PLEKHA8: variants seen among roughly 807,000 people sequenced by gnomAD.
PLEKHA8 encodes the protein pleckstrin homology domain-containing family A member 8.
In PLEKHA8, 36 loss-of-function variants were observed where a neutral mutation model predicts 68.2. The observed-to-expected ratio is 0.53, with a 90% CI of 0.40 to 0.70. The LOEUF is 0.70. PLEKHA8 is among the 30% of genes least tolerant of loss of function. The pLI is 0.00. For missense variants in PLEKHA8, 505 were observed against 615.4 expected (o/e 0.82, Z 1.90); for synonymous variants, 211 against 216.1 (o/e 0.98, Z 0.20).
chr7:30,098,705 A>T (rs555135967), intron 13 of PLEKHA8, among the ~76,000 whole-genome samples: 1 of 152,188 alleles, frequency 6.6e-6, no homozygotes. Context: ...GGTGGGAGTG[A>T]CCCGATTTTC....
At chr7:30,090,827 G>C (rs1214379489), downstream of PLEKHA8, 1 of 198,722 alleles carries the variant, frequency 5.0e-6, no homozygotes, top group Admixed American at 6.5e-5. Context: ...AAATAAATAT[G>C]ATAAGAAATA....
Position 30,116,244 on chromosome 7 carries a change from A to G in PLEKHA8, c.1363-13022A>G, listed in dbSNP as rs545679195. Reference sequence around the variant, plus strand: ...TATATACGTATACATGTATGCGTATACATGTACACGTATACATGCATACAT... The same window carrying G: ...TATATACGTATACATGTATGCGTATGCATGTACACGTATACATGCATACAT... On this transcript the variant is annotated intron_variant, in intron 13 of 13. Transcript: ENST00000396257. 4.7e-4 allele frequency among the ~76,000 whole-genome samples: 67 copies of G among 141,422 alleles called. 1 individual carries two copies. The highest frequency in any genetic ancestry group is 1.7e-3 in the African/African-American group (57 of 32,970). 92.8% of individuals were successfully genotyped at this position (141,422 alleles called of 152,430 possible). A position where few individuals can be genotyped will look rare whatever the true frequency, so the allele number is the denominator to read the frequency against.
chr7:30,054,617 A>G, intron 7 of PLEKHA8, 92 bp from the exon 8 acceptor site: 1 of 868,342 alleles, frequency 1.2e-6, no homozygotes, highest in Non-Finnish European at 1.6e-6. Context: ...ATTTCTATGT[A>G]TTTTTCTGTG....
chr7:30,119,498 C>T (rs376725644), intron 13 of PLEKHA8, among the ~76,000 whole-genome samples: 2 of 152,128 alleles, frequency 1.3e-5, no homozygotes, highest in African/African-American at 4.8e-5. Flanking sequence ...AAGAAACTGC[C>T]GAGGACAGTA....
chr7:30,084,949 CTT>C (rs5883231), downstream of PLEKHA8, among the ~76,000 whole-genome samples: 3,162 of 141,542 alleles, frequency 0.022, 47 homozygotes, highest in East Asian at 0.041. Context: ...TTTTTCTTTT[CTT>C]TTTTTTTTTT....
At chr7:30,119,762 A>G (rs1796665098) in intron 13 of PLEKHA8, among the ~76,000 whole-genome samples, 1 of 152,244 alleles carries the variant, frequency 6.6e-6, no homozygotes. Context: ...TTGCTGCATC[A>G]GATTCGAGAG....
intron 9 of PLEKHA8, among the ~76,000 whole-genome samples, chr7:30,058,272 T>G (rs1465107592): frequency 6.6e-6 from 1 of 152,148 alleles, no homozygotes; most frequent in Non-Finnish European, 1.5e-5. Flanking sequence ...TAATGATGCC[T>G]TTTCAGAAGT....
chr7:30,115,843 C>G (rs1562558042), intron 13 of PLEKHA8: 1 of 149,326 alleles, frequency 6.7e-6, no homozygotes, highest in African/African-American at 2.5e-5. Context: ...TACATGTATA[C>G]ACGTATGCAT....
chr7:30,106,785 A>G (rs1464294995), intron 13 of PLEKHA8, among the ~76,000 whole-genome samples: 2 of 152,222 alleles, frequency 1.3e-5, no homozygotes, highest in African/African-American at 4.8e-5. Flanking sequence ...AATGCACGCA[A>G]ATGAAGTGAT....
intron 6 of PLEKHA8, 107 bp downstream of exon 6, chr7:30,050,581 T>C (rs1792328665): frequency 7.5e-7 from 1 of 1,337,656 alleles, no homozygotes; most frequent in Non-Finnish European, 9.9e-7. Flanking sequence ...TTCTCAGGAT[T>C]TGAAATAATA....
chr7:30,029,421 AAATAT>A (rs1454583974), intron 1 of PLEKHA8, among the ~76,000 whole-genome samples: 8 of 152,172 alleles, frequency 5.3e-5, no homozygotes, highest in Non-Finnish European at 1.2e-4. Flanking sequence ...AAATGAATGC[AAATAT>A]TTGCAACTTT....
chr7:30,079,779 G>T lies in PLEKHA8; in HGVS notation c.*992G>T, dbSNP rs1005061490. The T allele has an allele frequency of 1.3e-6, 1 of 790,324 alleles. No individual in the cohort carries two copies. Among genetic ancestry groups the T allele is most frequent in the Non-Finnish European group, 1.5e-6 (1 of 652,464 alleles). The allele number at this position is 790,324 out of a possible 1,614,324, so 49.0% of individuals were successfully genotyped here. A position where few individuals can be genotyped will look rare whatever the true frequency, so the allele number is the denominator to read the frequency against. ...ACCAGAGTCTAGGTGGTGGGACATA[G>T]GAATCTGCATTTCAGTAAACTTTAC... On this transcript the variant is annotated 3_prime_UTR_variant, in exon 14 of 14. Coordinates refer to ENST00000449726, the MANE Select transcript of PLEKHA8 (RefSeq NM_001197026.2).
At chr7:30,091,807 T>C (rs1031718586), downstream of PLEKHA8, among the ~76,000 whole-genome samples, 2 of 152,252 alleles carry the variant, frequency 1.3e-5, no homozygotes, top group African/African-American at 4.8e-5. Context: ...TGTGCTTCTG[T>C]GAGTTTGGAA....
intron 1 of PLEKHA8, among the ~76,000 whole-genome samples, chr7:30,034,428 CTT>C (rs1790905057): frequency 6.6e-6 from 1 of 152,152 alleles, no homozygotes; most frequent in African/African-American, 2.4e-5. Flanking sequence ...CTGCATGTAA[CTT>C]TCGATTCCCC....
chr7:30,085,192 G>A (rs1795135040), downstream of PLEKHA8, among the ~76,000 whole-genome samples: 1 of 152,074 alleles, frequency 6.6e-6, no homozygotes, highest in African/African-American at 2.4e-5. Context: ...GCCCACCTCA[G>A]CCTCTCAAAG....
At chr7:30,077,982 T>C (rs1322146342) in intron 13 of PLEKHA8, among the ~76,000 whole-genome samples, 2 of 152,074 alleles carry the variant, frequency 1.3e-5, no homozygotes, top group East Asian at 3.9e-4. Context: ...CGTTTATATA[T>C]AAAATAGAGA....
chr7:30,056,312 C>CTCTATATATATATATA (rs796845171), intron 9 of PLEKHA8, among the ~76,000 whole-genome samples: 14 of 94,554 alleles, frequency 1.5e-4, no homozygotes, highest in East Asian at 2.9e-4. Flanking sequence ...CTCTCTCTCT[C>CTCTATATATATATATA]TATATATATA....
intron 13 of PLEKHA8, among the ~76,000 whole-genome samples, chr7:30,126,152 C>G (rs1182804127): frequency 8.0e-6 from 1 of 124,892 alleles, no homozygotes; most frequent in East Asian, 2.0e-4. Flanking sequence ...TTTGTGTCTT[C>G]AGCCAAGGAC....
intron 13 of PLEKHA8, among the ~76,000 whole-genome samples, chr7:30,104,205 A>C (rs1413130435): frequency 1.3e-5 from 2 of 152,370 alleles, no homozygotes; most frequent in African/African-American, 4.8e-5. Flanking sequence ...AACAACAAAC[A>C]TTGGCAACTG....
Sources: allele counts gnomAD v4.1 joint callset (sites outside exome capture counted in the v4.1 genomes callset), GRCh38; gene constraint gnomAD v4.1.1; transcripts MANE v1.5; gene names NCBI Gene and HGNC (gene_info 2026-07-23, HGNC 2026-07-21).